The following PLCG2 variants were observed in gnomAD, a reference collection of about 807,000 sequenced individuals.
PLCG2 encodes phospholipase C gamma 2, also known as 1-phosphatidylinositol 4,5-bisphosphate phosphodiesterase gamma-2.
A neutral mutation model predicts 175.6 loss-of-function variants in PLCG2; 69 were observed. The ratio of observed to expected loss-of-function variants is 0.39; its 90% CI spans 0.32 to 0.48. The LOEUF is 0.48. Ranked by LOEUF, PLCG2 falls within the 20% of genes least tolerant of loss-of-function variation. The pLI, the probability that PLCG2 is intolerant of heterozygous loss-of-function variation, is 0.91. For synonymous variants in PLCG2, 827 were observed against 624.0 expected (o/e 1.33, Z -4.85); for missense variants, 1,798 against 1,650.9 (o/e 1.09, Z -1.54).
At chr16:81,835,738 A>C (rs1905479479) in intron 2 of PLCG2, among the ~76,000 whole-genome samples, 1 of 152,150 alleles carries the variant, frequency 6.6e-6, no homozygotes, top group Non-Finnish European at 1.5e-5. Flanking sequence ...TGCAGTGTGG[A>C]GCTTAGAAGT....
rs1027359264 is a variant in PLCG2 at position 81,752,126 on chromosome 16, G to A, written c.-144-3744G>A. Among the ~76,000 whole-genome samples the A allele has an allele frequency of 1.1e-4, 17 of 152,248 alleles. 1 individual carries two copies. The highest frequency in any genetic ancestry group is 3.1e-4 in the African/African-American group (13 of 41,548). ...CTGTGATGTAGGCCCCGTCTATCAC[G>A]TATGAACTATGAGCCTGCTGAGTGC... On this transcript the variant is annotated intron_variant, in intron 1 of 5. Coordinates refer to the PLCG2 transcript ENST00000565054.
At chr16:81,867,486 G>T (rs1336536842) in intron 5 of PLCG2, among the ~76,000 whole-genome samples, 1 of 152,168 alleles carries the variant, frequency 6.6e-6, no homozygotes, top group Non-Finnish European at 1.5e-5. Flanking sequence ...ACTGATCGGT[G>T]CCTCAGTTTC....
At chr16:81,933,305 G>A (rs770945268) in intron 25 of PLCG2, among the ~76,000 whole-genome samples, 2 of 152,230 alleles carry the variant, frequency 1.3e-5, no homozygotes, top group Non-Finnish European at 2.9e-5. Flanking sequence ...TGCGGAGCTG[G>A]TGTTGGGGAG....
At chr16:81,893,428 A>T (rs1013798296) in intron 11 of PLCG2, among the ~76,000 whole-genome samples, 2 of 146,800 alleles carry the variant, frequency 1.4e-5, no homozygotes, top group African/African-American at 2.5e-5. Flanking sequence ...GCTTTGACCA[A>T]CTTCTCCTCA....
chr16:81,741,510 T>G lies in PLCG2; in HGVS notation c.-145+2125T>G, dbSNP rs142655441. ...ACAGAGTGACATTTTGATACACATA[T>G]AAAATATGTAATGATCAGGCCAGAC... On this transcript the variant is annotated intron_variant, in intron 1 of 5. Transcript: ENST00000565054. 3.1e-3 allele frequency among the ~76,000 whole-genome samples: 470 copies of G among 152,258 alleles called. 2 individuals are homozygous for G. Among genetic ancestry groups the G allele is most frequent in the African/African-American group, 9.1e-3 (380 of 41,546 alleles).
intron 2 of PLCG2, among the ~76,000 whole-genome samples, chr16:81,838,518 C>G (rs1157164067): frequency 6.6e-6 from 1 of 151,990 alleles, no homozygotes; most frequent in East Asian, 1.9e-4. Flanking sequence ...AACAGAAAAC[C>G]AAACGCCGCA....
intron 2 of PLCG2, among the ~76,000 whole-genome samples, chr16:81,803,000 C>G (rs1384308557): frequency 6.6e-6 from 1 of 152,114 alleles, no homozygotes; most frequent in South Asian, 2.1e-4. Flanking sequence ...TATACATTAG[C>G]AGTCACCTCT....
intron 1 of PLCG2, 50 bp from the exon 2 acceptor site, chr16:81,785,893 A>G: frequency 8.7e-7 from 1 of 1,151,182 alleles, no homozygotes; most frequent in South Asian, 1.5e-5. Context: ...CTGTTAACTA[A>G]ACCCCTTTCA....
chr16:81,954,257 G>A (rs1191778790), intron 31 of PLCG2, among the ~76,000 whole-genome samples: 1 of 152,188 alleles, frequency 6.6e-6, no homozygotes, highest in Non-Finnish European at 1.5e-5. Flanking sequence ...TCCTGGTCAA[G>A]CAATCCTCCC....
At chr16:81,805,757 G>GTTTTTTTTT (rs1911978295) in intron 2 of PLCG2, among the ~76,000 whole-genome samples, 1 of 60,216 alleles carries the variant, frequency 1.7e-5, no homozygotes, top group African/African-American at 7.8e-5. Context: ...TGAGAGTAGT[G>GTTTTTTTTT]TTTTGTTTTG....
chr16:81,817,122 C>A (rs892882741), intron 2 of PLCG2, among the ~76,000 whole-genome samples: 3 of 152,066 alleles, frequency 2.0e-5, no homozygotes, highest in Non-Finnish European at 2.9e-5. Flanking sequence ...GAGGTGAAGA[C>A]AAAGCCCTCT....
At chr16:81,822,048 G>A (rs1904822920) in intron 2 of PLCG2, among the ~76,000 whole-genome samples, 1 of 152,164 alleles carries the variant, frequency 6.6e-6, no homozygotes, top group Admixed American at 6.5e-5. Flanking sequence ...TGTATGCAAA[G>A]CACCCTTACG....
chr16:81,832,896 G>T (rs983881940), intron 2 of PLCG2, among the ~76,000 whole-genome samples: 3 of 152,186 alleles, frequency 2.0e-5, no homozygotes, highest in Non-Finnish European at 4.4e-5. Flanking sequence ...AGGTGTCAGC[G>T]TGTGAGGCCC....
chr16:81,766,066 C>T (rs1234494392), intron 2 of PLCG2, among the ~76,000 whole-genome samples: 1 of 152,180 alleles, frequency 6.6e-6, no homozygotes, highest in East Asian at 1.9e-4. Flanking sequence ...CCAGGTGTGT[C>T]CTACCTCTTC....
intron 2 of PLCG2, among the ~76,000 whole-genome samples, chr16:81,805,783 G>GTTTTTTTTTTTTTTTTTGTTTTTTTTT (rs35014411): frequency 1.2e-5 from 1 of 82,918 alleles, no homozygotes; most frequent in Non-Finnish European, 2.2e-5. Context: ...TTTTTTTTTT[G>GTTTTTTTTTTTTTTTTTGTTTTTTTTT]TTTTTTTTTT....
chr16:81,929,984 T>C (rs1189121045), intron 24 of PLCG2, among the ~76,000 whole-genome samples: 1 of 152,198 alleles, frequency 6.6e-6, no homozygotes, highest in Non-Finnish European at 1.5e-5. Flanking sequence ...TCAGTTTTAC[T>C]ACTACTAGCT....
chr16:81,900,590 GC>G lies in PLCG2; in HGVS notation c.1194-19del, dbSNP rs747324398. 129 of 1,577,050 alleles carry G rather than the reference GC, an allele frequency of 8.2e-5. 1 individual carries two copies. The African/African-American group carries it at 1.6e-3, about 19-fold the overall frequency. The stretch of plus-strand genomic sequence containing the variant: ...AGGTGTGTGCTCCCCCTGCCGAGCT[GC>G]CCACCCTCTTCTGCCTGCAGCTTCC... On this transcript the variant is annotated intron_variant, in intron 13 of 32. Transcript: ENST00000564138.
chr16:81,870,830 G>C, intron 6 of PLCG2, 22 bp from the exon 7 acceptor site: 1 of 1,232,372 alleles, frequency 8.1e-7, no homozygotes. Flanking sequence ...AAATCATGTG[G>C]TCACTTTTTT....
At chr16:81,945,010 T>C (rs1911096609) in intron 30 of PLCG2, among the ~76,000 whole-genome samples, 1 of 152,156 alleles carries the variant, frequency 6.6e-6, no homozygotes, top group South Asian at 2.1e-4. Flanking sequence ...AGAATTATGG[T>C]TACAAAATGG....
Sources: gnomAD v4.1 joint callset for allele counts (sites outside exome capture counted in the v4.1 genomes callset) on GRCh38, gnomAD v4.1.1 for gene constraint, MANE v1.5 for transcripts, NCBI Gene and HGNC (gene_info 2026-07-23, HGNC 2026-07-21) for gene names.